Variants in DMRTB1 observed in about 807,000 individuals in gnomAD.
DMRTB1 encodes the protein DMRT like family B with proline rich C-terminal 1.
A neutral mutation model predicts 25.2 loss-of-function variants in DMRTB1; 9 were observed. The observed-to-expected ratio is 0.36, with a 90% CI of 0.22 to 0.62. DMRTB1 has a LOEUF of 0.62. Ranked by LOEUF, DMRTB1 falls within the 20% of genes least tolerant of loss-of-function variation. DMRTB1 has a pLI of 0.71. For missense variants in DMRTB1, 551 were observed against 499.3 expected, an observed-to-expected ratio of 1.10 and a Z score of -0.99; for synonymous variants, 269 against 238.1, an observed-to-expected ratio of 1.13 and a Z score of -1.20.
At position 53,460,270 on chromosome 1, in the gene DMRTB1, G is replaced by C; in HGVS notation, c.577+240G>C. ...GGCTTTTAACATTTAGCTGTAGTTT[G>C]TGCCATTCCGGCATGCAAGAACAAA... On this transcript the variant is annotated intron_variant, in intron 1 of 3. Coordinates refer to ENST00000371445, the MANE Select transcript of DMRTB1 (RefSeq NM_033067.3). The C allele has an allele frequency of 1.2e-5, 6 of 501,980 alleles. No homozygotes were observed. In the East Asian group the frequency reaches 1.6e-4, roughly 13 times the overall value. 31.1% of individuals were successfully genotyped at this position (501,980 alleles called of 1,614,324 possible).
chr1:53,463,735 G>A (rs1644035274), intron 2 of DMRTB1, among the ~76,000 whole-genome samples: 1 of 152,180 alleles, frequency 6.6e-6, no homozygotes, highest in Non-Finnish European at 1.5e-5. Flanking sequence ...ACACTTTTAA[G>A]AGTACTAAAA....
At chr1:53,466,195 A>C (rs1644049119) in intron 3 of DMRTB1, among the ~76,000 whole-genome samples, 1 of 152,192 alleles carries the variant, frequency 6.6e-6, no homozygotes, top group East Asian at 1.9e-4. Context: ...GGCTTATGGA[A>C]AATCTGTATC....
At chr1:53,462,588 G>A (rs1021691889) in intron 2 of DMRTB1, among the ~76,000 whole-genome samples, 1 of 152,200 alleles carries the variant, frequency 6.6e-6, no homozygotes, top group South Asian at 2.1e-4. Context: ...ATTCCAGGGT[G>A]TCTATTGAAC....
At position 53,465,646 on chromosome 1, in the gene DMRTB1, T is replaced by G. The variant is rs116097173; in HGVS notation, c.961+799T>G. Among the ~76,000 whole-genome samples, 774 of 150,232 alleles carry G rather than the reference T, an allele frequency of 5.2e-3. 7 individuals are homozygous for G. The highest frequency in any genetic ancestry group is 0.018 in the African/African-American group (728 of 39,978). ...AGAGGAGTCTGGTGGTATCACCATT[T>G]TACTGAAGAGGAAACTGAGGCCTGT... On this transcript the variant is annotated intron_variant, in intron 3 of 3. Transcript: ENST00000371445.
intron 3 of DMRTB1, 74 bp downstream of exon 3, chr1:53,464,921 AG>A: frequency 6.3e-7 from 1 of 1,583,214 alleles, no homozygotes. Flanking sequence ...CCTAATCTGA[AG>A]AAAGGTTAGG....
At chr1:53,460,984 T>A (rs1644018896) in intron 1 of DMRTB1, among the ~76,000 whole-genome samples, 1 of 152,124 alleles carries the variant, frequency 6.6e-6, no homozygotes, top group African/African-American at 2.4e-5. Flanking sequence ...CCACCTTTCT[T>A]TTTTCCATCT....
Position 53,461,481 on chromosome 1 carries a change from C to T in DMRTB1, c.586C>T (p.Leu196=). The T allele has an allele frequency of 6.3e-7, 1 of 1,590,808 alleles. No individual in the cohort carries two copies. The highest frequency in any genetic ancestry group is 8.6e-7 in the Non-Finnish European group (1 of 1,167,944). ...TTGCTTGCGTTCTTTAGTGCGCCCT[C>T]TGAACATCAACCCGGACCGTGCACT... The part of the protein sequence containing the change: ...GPLFTDFVRP[L]NINPDRALGP... The change falls in exon 2 of 4, where the codon CTG becomes TTG. Residue 196 remains leucine, a synonymous_variant. Coordinates refer to ENST00000371445, the MANE Select transcript of DMRTB1 (RefSeq NM_033067.3).
In DMRTB1 at chr1:53,459,700, G is replaced by GCCGCCCCCGCCGCCGCCC. The variant is rs1553210708; in HGVS notation, c.258_259insGCCGCCCCCGCCCCCGCC (p.Ala86_Pro87insAlaAlaProAlaProAla). The GCCGCCCCCGCCGCCGCCC allele has an allele frequency of 6.8e-7, 1 of 1,467,934 alleles. No individual in the cohort carries two copies. The highest frequency in any genetic ancestry group is 1.5e-5 in the African/African-American group (1 of 67,840). 90.9% of individuals were successfully genotyped at this position (1,467,934 alleles called of 1,614,324 possible). The stretch of plus-strand genomic sequence containing the variant: ...CAAGCAGGCCTCCGGGGCTGCGGCC[G>GCCGCCCCCGCCGCCGCCC]CCGCCCCCGCCCCCGTCCCCGTCCC... On this transcript the variant is annotated inframe_insertion, in exon 1 of 4. Coordinates refer to ENST00000371445, the MANE Select transcript of DMRTB1 (RefSeq NM_033067.3).
At chr1:53,464,945 G>C (rs1321978566) in intron 3 of DMRTB1, 98 bp downstream of exon 3, 4 of 1,532,642 alleles carry the variant, frequency 2.6e-6, no homozygotes, top group African/African-American at 2.7e-5. Context: ...TGGAGAGAAG[G>C]GACATGGAAT....
Position 53,466,758 on chromosome 1 carries a change from A to C in DMRTB1, c.*96A>C. On this transcript the variant is annotated 3_prime_UTR_variant, in exon 4 of 4. Coordinates refer to ENST00000371445, the MANE Select transcript of DMRTB1 (RefSeq NM_033067.3). Reference sequence around the variant, plus strand: ...ATTCAGTGATATGTAGGGAGGAAGGAGGTTGATAGCATAGATGGCAACTGA... The same window carrying C: ...ATTCAGTGATATGTAGGGAGGAAGGCGGTTGATAGCATAGATGGCAACTGA... The C allele has an allele frequency of 7.9e-7, 1 of 1,273,854 alleles. No homozygotes were observed. The highest frequency in any genetic ancestry group is 1.1e-6 in the Non-Finnish European group (1 of 886,826). The allele number at this position is 1,273,854 out of a possible 1,614,324, so 78.9% of individuals were successfully genotyped here.
At position 53,464,648 on chromosome 1, in the gene DMRTB1, A is replaced by C. The variant is rs1644040302; in HGVS notation, c.762A>C (p.Pro254=). 6.2e-7 allele frequency: 1 copy of C among 1,613,348 alleles called. No individual in the cohort carries two copies. Among genetic ancestry groups the C allele is most frequent in the African/African-American group, 1.3e-5 (1 of 74,868 alleles). Residue 254 remains proline, a synonymous_variant, in exon 3 of 4, where the codon CCA becomes CCC. Transcript: ENST00000371445. ...TGTGTGCCGTGCAGGTGTCAGAACCAGGAGGAGACTTCCAGCCAAGCTACT... is the reference window on the plus strand; with the variant it reads ...TGTGTGCCGTGCAGGTGTCAGAACCCGGAGGAGACTTCCAGCCAAGCTACT... ...QYQGGGLVSE[P]GGDFQPSYYL... is the part of the protein sequence containing the mutation.
At position 53,466,731 on chromosome 1, in the gene DMRTB1, T is replaced by G; in HGVS notation, c.*69T>G. ...GGCAACAGCAACAGTTTTCTTGTCT[T>G]CATTCAGTGATATGTAGGGAGGAAG... On this transcript the variant is annotated 3_prime_UTR_variant, in exon 4 of 4. Transcript: ENST00000371445. 1 of 1,491,466 alleles carries G rather than the reference T, an allele frequency of 6.7e-7. No individual in the cohort carries two copies. 92.4% of individuals were successfully genotyped at this position (1,491,466 alleles called of 1,614,324 possible). A position where few individuals can be genotyped will look rare whatever the true frequency, so the allele number is the denominator to read the frequency against.
chr1:53,464,943 A>T (rs1557923689), intron 3 of DMRTB1, 96 bp downstream of exon 3: 1 of 1,535,228 alleles, frequency 6.5e-7, no homozygotes, highest in African/African-American at 1.4e-5. Flanking sequence ...TGTGGAGAGA[A>T]GGGACATGGA....
chr1:53,460,563 G>GC (rs1338124870), intron 1 of DMRTB1: 1 of 153,106 alleles, frequency 6.5e-6, no homozygotes, highest in East Asian at 1.9e-4. Flanking sequence ...ACGTGCAGGT[G>GC]AGGGGAGCCT....
At position 53,459,676 on chromosome 1, in the gene DMRTB1, A is replaced by T; in HGVS notation, c.223A>T (p.Lys75Ter). 1 of 1,541,080 alleles carries T rather than the reference A, an allele frequency of 6.5e-7. No homozygotes were observed. Among genetic ancestry groups the T allele is most frequent in the Non-Finnish European group, 8.7e-7 (1 of 1,143,116 alleles). ...QEAALCAQGP[K>*]QASGAAAAAP... Reference sequence around the variant, plus strand: ...GGCGGCCCTGTGTGCGCAGGGGCCCAAGCAGGCCTCCGGGGCTGCGGCCGC... The same window carrying T: ...GGCGGCCCTGTGTGCGCAGGGGCCCTAGCAGGCCTCCGGGGCTGCGGCCGC... The change falls in exon 1 of 4, where the codon AAG becomes TAG. Residue 75 changes from lysine to a stop codon, truncating the protein, a stop_gained. Transcript: ENST00000371445. LOFTEE classifies it high-confidence loss of function.
chr1:53,463,942 G>T (rs1458219291), intron 2 of DMRTB1, among the ~76,000 whole-genome samples: 1 of 152,152 alleles, frequency 6.6e-6, no homozygotes, highest in Non-Finnish European at 1.5e-5. Flanking sequence ...GCCCTGTGCT[G>T]TGGTAAGGGG....
chr1:53,466,035 T>C (rs1382063717), intron 3 of DMRTB1, among the ~76,000 whole-genome samples: 1 of 152,116 alleles, frequency 6.6e-6, no homozygotes, highest in Non-Finnish European at 1.5e-5. Flanking sequence ...AGCTGTGGAG[T>C]ATCTTGCTAA....
intron 1 of DMRTB1, 117 bp downstream of exon 1, chr1:53,460,147 C>T: frequency 7.6e-7 from 1 of 1,323,574 alleles, no homozygotes; most frequent in Non-Finnish European, 9.8e-7. Flanking sequence ...GGGTAACGGA[C>T]CTTCCGCTTT....
chr1:53,462,515 G>T (rs375051505), intron 2 of DMRTB1, among the ~76,000 whole-genome samples: 50 of 152,322 alleles, frequency 3.3e-4, no homozygotes, highest in African/African-American at 1.2e-3. Flanking sequence ...TTGTGAGATT[G>T]TGCTTAAAAA....
Sources: gnomAD v4.1 joint callset for allele counts (sites outside exome capture counted in the v4.1 genomes callset) on GRCh38, gnomAD v4.1.1 for gene constraint, MANE v1.5 for transcripts, NCBI Gene and HGNC (gene_info 2026-07-23, HGNC 2026-07-21) for gene names.